PPP1R12B: variants seen among roughly 807,000 people sequenced by gnomAD.
PPP1R12B encodes myosin phosphatase target subunit 2.
A neutral mutation model predicts 126.1 loss-of-function variants in PPP1R12B; 76 were observed. That is an observed-to-expected ratio of 0.60 (90% CI 0.50 to 0.73). PPP1R12B has a LOEUF of 0.73. Among genes scored for constraint, PPP1R12B ranks in the 30% least tolerant of loss-of-function variants. PPP1R12B has a pLI of 0.00. For missense variants in PPP1R12B, 1,052 were observed against 1,205.1 expected (o/e 0.87, Z 1.88); for synonymous variants, 356 against 434.7 (o/e 0.82, Z 2.25).
rs923497262 is a variant in PPP1R12B at position 202,580,659 on chromosome 1, T to A, written c.*99T>A. 1.0e-6 allele frequency: 1 copy of A among 982,110 alleles called. No homozygotes were observed. The highest frequency in any genetic ancestry group is 1.6e-6 in the Non-Finnish European group (1 of 621,870). The allele number at this position is 982,110 out of a possible 1,614,324, so 60.8% of individuals were successfully genotyped here. On this transcript the variant is annotated 3_prime_UTR_variant, in exon 24 of 24. Coordinates refer to ENST00000608999, the MANE Select transcript of PPP1R12B (RefSeq NM_002481.4). The stretch of plus-strand genomic sequence containing the variant: ...TTCCAACCAAAAGAAATGGATGTTT[T>A]GGTGGAAGGACACTTCTTTCTATCA...
chr1:202,440,891 T>G (rs1304313909), intron 11 of PPP1R12B, 103 bp downstream of exon 11: 9 of 884,484 alleles, frequency 1.0e-5, no homozygotes, highest in Non-Finnish European at 1.6e-5. Context: ...TCAGGTGTCC[T>G]TACCACATTA....
At chr1:202,368,072 C>T (rs192828763) in intron 1 of PPP1R12B, among the ~76,000 whole-genome samples, 5 of 152,084 alleles carry the variant, frequency 3.3e-5, no homozygotes, top group Admixed American at 6.5e-5. Context: ...CAGGTTCAAG[C>T]GATTCTCCTG....
intron 10 of PPP1R12B, among the ~76,000 whole-genome samples, chr1:202,440,339 A>C (rs1477653570): frequency 6.6e-6 from 1 of 152,176 alleles, no homozygotes; most frequent in African/African-American, 2.4e-5. Flanking sequence ...ACTGGGGACT[A>C]TTGGGGACTA....
At chr1:202,485,704 G>A (rs1678022403) in intron 13 of PPP1R12B, among the ~76,000 whole-genome samples, 1 of 152,080 alleles carries the variant, frequency 6.6e-6, no homozygotes, top group Non-Finnish European at 1.5e-5. Context: ...GTCTTCCACA[G>A]GGATTTTGCT....
intron 1 of PPP1R12B, among the ~76,000 whole-genome samples, chr1:202,416,155 A>G (rs967467365): frequency 2.0e-5 from 3 of 152,210 alleles, no homozygotes; most frequent in Non-Finnish European, 2.9e-5. Context: ...TTATAATATA[A>G]TGATGAAACA....
chr1:202,541,729 C>T (rs1245266812), intron 18 of PPP1R12B, among the ~76,000 whole-genome samples: 1 of 152,172 alleles, frequency 6.6e-6, no homozygotes, highest in Non-Finnish European at 1.5e-5. Flanking sequence ...TGACCTTCCC[C>T]CATTTTCCCT....
intron 13 of PPP1R12B, among the ~76,000 whole-genome samples, chr1:202,451,060 A>G (rs1451189328): frequency 6.6e-6 from 1 of 151,244 alleles, no homozygotes; most frequent in African/African-American, 2.4e-5. Context: ...TTTTCATTGT[A>G]AAGATCTTTT....
intron 1 of PPP1R12B, among the ~76,000 whole-genome samples, chr1:202,357,275 A>G (rs1018946643): frequency 3.3e-5 from 5 of 152,252 alleles, no homozygotes; most frequent in Admixed American, 6.5e-5. Flanking sequence ...ATATTGAGGT[A>G]TTTCAAGGAA....
At chr1:202,456,368 C>G (rs36092204) in intron 13 of PPP1R12B, among the ~76,000 whole-genome samples, 8,266 of 152,124 alleles carry the variant, frequency 0.054, 310 homozygotes, top group Non-Finnish European at 0.085. Context: ...ACTTATAAGG[C>G]TCCCTTGCCC....
chr1:202,395,882 T>A (rs1385099462), intron 1 of PPP1R12B, among the ~76,000 whole-genome samples: 2 of 152,234 alleles, frequency 1.3e-5, no homozygotes, highest in African/African-American at 4.8e-5. Flanking sequence ...TGGATGAAAA[T>A]CACCAAATAG....
chr1:202,445,037 G>C, intron 12 of PPP1R12B: 3 of 1,247,220 alleles, frequency 2.4e-6, no homozygotes, highest in Non-Finnish European at 3.0e-6. Flanking sequence ...ACTGTGTGCT[G>C]TTTTGCAGTG....
chr1:202,483,119 C>T (rs577894308), intron 13 of PPP1R12B, among the ~76,000 whole-genome samples: 4 of 152,166 alleles, frequency 2.6e-5, no homozygotes, highest in African/African-American at 7.2e-5. Flanking sequence ...GTTTTTATGC[C>T]AGTACCATTC....
intron 1 of PPP1R12B, among the ~76,000 whole-genome samples, chr1:202,398,540 C>T (rs1325939918): frequency 6.6e-6 from 1 of 152,162 alleles, no homozygotes; most frequent in Non-Finnish European, 1.5e-5. Context: ...AACCTGTTCT[C>T]CCAAAACAGC....
At chr1:202,481,829 CCT>C (rs1677419282) in intron 13 of PPP1R12B, among the ~76,000 whole-genome samples, 4 of 152,068 alleles carry the variant, frequency 2.6e-5, no homozygotes, top group Non-Finnish European at 5.9e-5. Flanking sequence ...ATTTATTCCC[CCT>C]GTCTAATTAT....
At chr1:202,425,147 T>A (rs1404743724) in intron 3 of PPP1R12B, among the ~76,000 whole-genome samples, 1 of 152,192 alleles carries the variant, frequency 6.6e-6, no homozygotes, top group African/African-American at 2.4e-5. Context: ...AACCTTTCTA[T>A]TTTTATTTCC....
intron 5 of PPP1R12B, among the ~76,000 whole-genome samples, chr1:202,427,600 A>G (rs1415767169): frequency 6.6e-6 from 1 of 152,160 alleles, no homozygotes; most frequent in Admixed American, 6.6e-5. Context: ...ACTTCAAACA[A>G]CTTAGAAGCT....
chr1:202,518,650 G>A (rs1379530439), intron 18 of PPP1R12B, among the ~76,000 whole-genome samples: 1 of 152,188 alleles, frequency 6.6e-6, no homozygotes, highest in Non-Finnish European at 1.5e-5. Flanking sequence ...AGCAGTGGTT[G>A]TATTTCTGTG....
At chr1:202,440,460 T>C (rs1414515030) in intron 10 of PPP1R12B, among the ~76,000 whole-genome samples, 3 of 152,222 alleles carry the variant, frequency 2.0e-5, no homozygotes, top group South Asian at 2.1e-4. Context: ...GTGCTGCTGT[T>C]TTCTTTATTT....
At chr1:202,528,398 TTAGTTGTTTACTGTATTGC>T (rs1455518742) in intron 18 of PPP1R12B, among the ~76,000 whole-genome samples, 1 of 152,230 alleles carries the variant, frequency 6.6e-6, no homozygotes, top group Non-Finnish European at 1.5e-5. Context: ...ATCATGGAGC[TTAGTTGTTTACTGTATTGC>T]ATGCTAAGCA....
Sources: gnomAD v4.1 joint callset for allele counts (sites outside exome capture counted in the v4.1 genomes callset) on GRCh38, gnomAD v4.1.1 for gene constraint, MANE v1.5 for transcripts, NCBI Gene and HGNC (gene_info 2026-07-23, HGNC 2026-07-21) for gene names.